Variants in CAPSL observed in about 807,000 individuals in gnomAD.
CAPSL encodes the protein calcyphosin-like protein.
Under a neutral mutation model 21.3 loss-of-function variants are expected in CAPSL, and 17 were observed. That is an observed-to-expected ratio of 0.80 (90% CI 0.55 to 1.20). The LOEUF (loss-of-function observed/expected upper bound fraction) is 1.20. Among genes scored for constraint, CAPSL ranks in the 50% most tolerant of loss-of-function variants. The pLI is 0.00. For missense variants in CAPSL, 289 were observed against 259.3 expected (o/e 1.11, Z -0.79); for synonymous variants, 102 against 89.3 (o/e 1.14, Z -0.80).
chr5:35,924,252 C>CA (rs1738610655), intron 1 of CAPSL, among the ~76,000 whole-genome samples: 1 of 152,198 alleles, frequency 6.6e-6, no homozygotes, highest in South Asian at 2.1e-4. Context: ...AGTGCAACCT[C>CA]ATTTTGCAAA....
chr5:35,927,819 A>T (rs1455158211), intron 1 of CAPSL, among the ~76,000 whole-genome samples: 1 of 152,242 alleles, frequency 6.6e-6, no homozygotes, highest in African/African-American at 2.4e-5. Context: ...CACTGGCTTT[A>T]GTCCATTCAA....
intron 2 of CAPSL, 43 bp downstream of exon 2, chr5:35,920,941 T>A (rs1214522738): frequency 6.3e-7 from 1 of 1,599,838 alleles, no homozygotes; most frequent in Non-Finnish European, 8.5e-7. Context: ...GGCAGAGTCA[T>A]TCCTTCCCGC....
At chr5:35,929,149 G>T (rs1389376846) in intron 1 of CAPSL, among the ~76,000 whole-genome samples, 1 of 152,076 alleles carries the variant, frequency 6.6e-6, no homozygotes, top group Non-Finnish European at 1.5e-5. Context: ...TCCACACATT[G>T]CCTCATGTGG....
intron 1 of CAPSL, among the ~76,000 whole-genome samples, chr5:35,931,600 G>A (rs1738827922): frequency 1.3e-5 from 2 of 152,152 alleles, no homozygotes; most frequent in South Asian, 2.1e-4. Context: ...GCTGTGCCTT[G>A]AGTCTCTGGG....
At chr5:35,924,951 C>A (rs536925619) in intron 1 of CAPSL, among the ~76,000 whole-genome samples, 1 of 152,342 alleles carries the variant, frequency 6.6e-6, no homozygotes, top group East Asian at 1.9e-4. Context: ...TCACCGACTT[C>A]ATAGCAGTGC....
rs140094090 is a variant in CAPSL at position 35,932,045 on chromosome 5, A to C, written c.-1+6496T>G. 7.9e-4 allele frequency among the ~76,000 whole-genome samples: 120 copies of C among 152,248 alleles called. 1 individual carries two copies. The highest frequency in any genetic ancestry group is 2.6e-3 in the African/African-American group (108 of 41,548). On this transcript the variant is annotated intron_variant, in intron 1 of 4. Transcript: ENST00000651391. ...CCCTTAGAATGAATGCTTCTTTTGGAGTCATTTGTCTATTTTAATGTTTAT... is the reference window on the plus strand; with the variant it reads ...CCCTTAGAATGAATGCTTCTTTTGGCGTCATTTGTCTATTTTAATGTTTAT...
At chr5:35,934,664 G>A (rs1738900253) in intron 1 of CAPSL, among the ~76,000 whole-genome samples, 1 of 152,158 alleles carries the variant, frequency 6.6e-6, no homozygotes, top group Admixed American at 6.5e-5. Context: ...CCTCCCTACA[G>A]AAATGCTTTG....
chr5:35,921,964 A>G (rs1311944468), intron 1 of CAPSL, among the ~76,000 whole-genome samples: 1 of 151,970 alleles, frequency 6.6e-6, no homozygotes, highest in Non-Finnish European at 1.5e-5. Flanking sequence ...TCATAAGTCC[A>G]CATATTCAGT....
At chr5:35,913,112 T>C (rs1396129117) in intron 2 of CAPSL, among the ~76,000 whole-genome samples, 3 of 152,114 alleles carry the variant, frequency 2.0e-5, no homozygotes, top group Admixed American at 6.5e-5. Context: ...GTATCAGTGA[T>C]GGAAGATCAA....
intron 4 of CAPSL, among the ~76,000 whole-genome samples, chr5:35,906,530 T>C (rs1760682978): frequency 6.6e-6 from 1 of 152,150 alleles, no homozygotes; most frequent in South Asian, 2.1e-4. Flanking sequence ...CTGGCTGAAG[T>C]TAGGCAACCA....
At chr5:35,904,939 G>A (rs959116651) in intron 4 of CAPSL, among the ~76,000 whole-genome samples, 3 of 152,168 alleles carry the variant, frequency 2.0e-5, no homozygotes, top group Non-Finnish European at 4.4e-5. Context: ...TCAGGTAAGG[G>A]AGACTGAAAC....
At chr5:35,928,686 G>T (rs1159810496) in intron 1 of CAPSL, among the ~76,000 whole-genome samples, 1 of 152,136 alleles carries the variant, frequency 6.6e-6, no homozygotes, top group Non-Finnish European at 1.5e-5. Context: ...AATGGAAGTA[G>T]GGTAGAGTGT....
intron 1 of CAPSL, among the ~76,000 whole-genome samples, chr5:35,928,018 G>A (rs2149930910): frequency 6.6e-6 from 1 of 152,290 alleles, no homozygotes; most frequent in Non-Finnish European, 1.5e-5. Flanking sequence ...TGTTTTGGAG[G>A]ATGGGAAGTT....
intron 4 of CAPSL, among the ~76,000 whole-genome samples, chr5:35,906,497 C>T (rs982028596): frequency 6.6e-6 from 1 of 152,146 alleles, no homozygotes; most frequent in Non-Finnish European, 1.5e-5. Context: ...CTCCTTTGTC[C>T]TGCTGCCTGA....
chr5:35,917,872 T>C (rs2149923356), intron 2 of CAPSL, among the ~76,000 whole-genome samples: 1 of 151,448 alleles, frequency 6.6e-6, no homozygotes, highest in Non-Finnish European at 1.5e-5. Context: ...ATAATAATAA[T>C]AAAATTTTAA....
chr5:35,934,757 G>C (rs1011214846), intron 1 of CAPSL, among the ~76,000 whole-genome samples: 22 of 152,146 alleles, frequency 1.4e-4, no homozygotes, highest in Non-Finnish European at 2.5e-4. Flanking sequence ...CTGTGGCATT[G>C]CTGGGTGTCT....
At chr5:35,914,019 C>A (rs1418366928) in intron 2 of CAPSL, among the ~76,000 whole-genome samples, 2 of 151,948 alleles carry the variant, frequency 1.3e-5, no homozygotes, top group African/African-American at 4.8e-5. Context: ...GGAAGATCTA[C>A]CAAGCAAATG....
At position 35,904,585 on chromosome 5, in the gene CAPSL, AC is replaced by A. The variant is rs751479223; in HGVS notation, c.586del (p.Val196CysfsTer6). On this transcript the variant is annotated frameshift_variant, in exon 5 of 5. Transcript: ENST00000651391. LOFTEE classifies it high-confidence loss of function. ...AGVSASIDTD[V>X]YFIIMMRTAW... ...GGTTCTCATCATGATGATGAAGTAC[AC>A]ATCAGTGTCAATGGATGCGCTCACA... 6.2e-7 allele frequency: 1 copy of A among 1,613,906 alleles called. No individual in the cohort carries two copies. Among genetic ancestry groups the A allele is most frequent in the South Asian group, 1.1e-5 (1 of 91,032 alleles).
At chr5:35,915,097 C>T (rs182175424) in intron 2 of CAPSL, among the ~76,000 whole-genome samples, 255 of 152,260 alleles carry the variant, frequency 1.7e-3, no homozygotes, top group African/African-American at 5.7e-3. Flanking sequence ...TGCAAATAAA[C>T]TAGAAAATCT....
Sources: allele counts gnomAD v4.1 joint callset (sites outside exome capture counted in the v4.1 genomes callset), GRCh38; gene constraint gnomAD v4.1.1; transcripts MANE v1.5; gene names NCBI Gene and HGNC (gene_info 2026-07-23, HGNC 2026-07-21).